Variants in IL17F observed in about 807,000 individuals in gnomAD.
IL17F encodes the protein interleukin-17F.
IL17F carries 6 observed loss-of-function variants against 8.3 expected under a neutral mutation model. That is an observed-to-expected ratio of 0.73 (90% CI 0.40 to 1.43). IL17F has a LOEUF of 1.43. Ranked by LOEUF, IL17F falls within the 40% of genes most tolerant of loss-of-function variation. IL17F has a pLI of 0.02. For missense variants in IL17F, 204 were observed against 209.6 expected (o/e 0.97, Z 0.17); for synonymous variants, 98 against 81.6 (o/e 1.20, Z -1.08).
At chr6:52,239,162 G>A in intron 1 of IL17F, 1 of 572,836 alleles carries the variant, frequency 1.7e-6, no homozygotes, top group African/African-American at 1.9e-5. Context: ...GCTAGTAACT[G>A]AAGCCCTCCA....
intron 2 of IL17F, 139 bp from the exon 3 acceptor site, chr6:52,237,307 C>T: frequency 1.5e-6 from 1 of 654,440 alleles, no homozygotes; most frequent in Non-Finnish European, 2.7e-6. Context: ...GCCACACAGC[C>T]TGGAAGCATA....
chr6:52,245,156 G>T (rs569876314), upstream of IL17F, among the ~76,000 whole-genome samples: 1 of 152,136 alleles, frequency 6.6e-6, no homozygotes, highest in African/African-American at 2.4e-5. Context: ...AGATTTCCAT[G>T]ACCATGTATG....
In IL17F at chr6:52,242,729, T is replaced by C. The variant is rs1010482346; in HGVS notation, c.33+1668A>G. Among the ~76,000 whole-genome samples the C allele has an allele frequency of 8.5e-5, 13 of 152,250 alleles. No individual in the cohort carries two copies. In the South Asian group the frequency reaches 2.7e-3, roughly 31 times the overall value. ...TGAGCTTTTGTTCATCTGTATAAAG[T>C]GGAAAGTATTCCCATCTACTTCAGT... On this transcript the variant is annotated intron_variant, in intron 1 of 2. Transcript: ENST00000336123.
chr6:52,243,001 G>A (rs1042005579), intron 1 of IL17F, among the ~76,000 whole-genome samples: 2 of 152,122 alleles, frequency 1.3e-5, no homozygotes, highest in Non-Finnish European at 2.9e-5. Flanking sequence ...TTGAGGAAAC[G>A]GAGGCACAGA....
Position 52,244,385 on chromosome 6 carries a change from G to A in IL17F, c.33+12C>T, listed in dbSNP as rs1043002743. The A allele has an allele frequency of 1.4e-5, 22 of 1,613,136 alleles. No individual in the cohort carries two copies. Among genetic ancestry groups the A allele is most frequent in the Admixed American group, 3.3e-5 (2 of 59,994 alleles). On this transcript the variant is annotated intron_variant, in intron 1 of 2. Coordinates refer to ENST00000336123, the MANE Select transcript of IL17F (RefSeq NM_052872.4). Reference sequence around the variant, plus strand: ...TGACAGTCCTTAAACCAGAATGATTGCTGCTACTCACCATGGCTGGGCCAT... The same window carrying A: ...TGACAGTCCTTAAACCAGAATGATTACTGCTACTCACCATGGCTGGGCCAT...
In IL17F at chr6:52,238,785, G is replaced by A. The variant is rs754476266; in HGVS notation, c.199C>T (p.Arg67Cys). 1.5e-5 allele frequency: 25 copies of A among 1,614,042 alleles called. No homozygotes were observed. In the East Asian group the frequency reaches 2.0e-4, roughly 13 times the overall value. Residue 67 changes from arginine to cysteine, a missense_variant, in exon 2 of 3, where the codon CGC becomes TGC. Transcript: ENST00000336123. Reference protein sequence around the residue: ...LDIGIINENQRVSMSRNIESR... With the variant: ...LDIGIINENQCVSMSRNIESR... Reference sequence around the variant, plus strand: ...TCGATGTTACGTGACATGGAAACGCGCTGGTTTTCATTGATGATGCCAATG... The same window carrying A: ...TCGATGTTACGTGACATGGAAACGCACTGGTTTTCATTGATGATGCCAATG...
intron 2 of IL17F, among the ~76,000 whole-genome samples, chr6:52,238,002 G>T (rs1419199308): frequency 2.0e-5 from 3 of 152,196 alleles, no homozygotes; most frequent in Non-Finnish European, 4.4e-5. Context: ...GCCCTAGGGC[G>T]CCCCATAGTA....
Position 52,244,474 on chromosome 6 carries a change from T to C in IL17F, c.-45A>G, listed in dbSNP as rs1426351406. On this transcript the variant is annotated 5_prime_UTR_variant, in exon 1 of 3. Coordinates refer to ENST00000336123, the MANE Select transcript of IL17F (RefSeq NM_052872.4). ...TTGTGCAGGAAGCTCTTTCTGTGAA[T>C]GTATCTTCCTGTGTATGCCTGTGTT... is the stretch of plus-strand genomic sequence containing the variant. The C allele has an allele frequency of 6.9e-6, 11 of 1,585,206 alleles. No individual in the cohort carries two copies. The highest frequency in any genetic ancestry group is 9.5e-6 in the Non-Finnish European group (11 of 1,153,526).
chr6:52,244,804 C>T (rs1309346777), upstream of IL17F, among the ~76,000 whole-genome samples: 1 of 152,088 alleles, frequency 6.6e-6, no homozygotes, highest in Non-Finnish European at 1.5e-5. Context: ...TTTTGTTCTT[C>T]CACAAATTGC....
At chr6:52,241,841 T>G (rs530166153) in intron 1 of IL17F, among the ~76,000 whole-genome samples, 6 of 152,212 alleles carry the variant, frequency 3.9e-5, no homozygotes, top group Non-Finnish European at 8.8e-5. Flanking sequence ...TCAGTGCTAT[T>G]GTCATTGAAG....
intron 1 of IL17F, chr6:52,239,306 GACT>G (rs1288596597): frequency 7.4e-6 from 2 of 269,858 alleles, no homozygotes; most frequent in South Asian, 5.3e-5. Context: ...CACTTTATGA[GACT>G]ACTAATGAGA....
chr6:52,245,333 A>G (rs1469133167), upstream of IL17F, among the ~76,000 whole-genome samples: 2 of 152,188 alleles, frequency 1.3e-5, no homozygotes, highest in African/African-American at 4.8e-5. Context: ...AGCACCAATC[A>G]CAGGTCCAAG....
At chr6:52,243,441 T>C (rs1186208408) in intron 1 of IL17F, among the ~76,000 whole-genome samples, 2 of 152,168 alleles carry the variant, frequency 1.3e-5, no homozygotes, top group African/African-American at 2.4e-5. Context: ...ATCAGAGACA[T>C]GGGAAATTTC....
chr6:52,241,635 T>C (rs1444953541), intron 1 of IL17F, among the ~76,000 whole-genome samples: 3 of 152,232 alleles, frequency 2.0e-5, no homozygotes, highest in South Asian at 4.1e-4. Flanking sequence ...TATATATTCT[T>C]AGAGTATATT....
At chr6:52,244,262 G>A (rs1046674007) in intron 1 of IL17F, 135 bp downstream of exon 1, 1 of 886,500 alleles carries the variant, frequency 1.1e-6, no homozygotes, top group South Asian at 1.3e-5. Flanking sequence ...CCAGACAGGA[G>A]TCAAAATTAA....
intron 1 of IL17F, among the ~76,000 whole-genome samples, chr6:52,242,342 A>C (rs1296520784): frequency 6.6e-6 from 1 of 152,196 alleles, no homozygotes; most frequent in African/African-American, 2.4e-5. Flanking sequence ...CTCACCAGCA[A>C]TGTGTGGACA....
rs550324568 is a variant in IL17F at position 52,240,675 on chromosome 6, A to T, written c.34-1725T>A. 2.6e-5 allele frequency among the ~76,000 whole-genome samples: 4 copies of T among 152,228 alleles called. No individual in the cohort carries two copies. In the South Asian group the frequency reaches 8.3e-4, roughly 32 times the overall value. On this transcript the variant is annotated intron_variant, in intron 1 of 2. Transcript: ENST00000336123. ...GAAGCTGACACTAAAAAGAAGTTGA[A>T]AGCAAGATTGACCCAGAAGAGTCAG...
intron 1 of IL17F, chr6:52,239,285 A>G (rs907462154): frequency 3.0e-6 from 1 of 330,908 alleles, no homozygotes; most frequent in Non-Finnish European, 5.7e-6. Flanking sequence ...TTCCAACTGG[A>G]TAATAATGCT....
At chr6:52,240,193 T>C (rs1299011002) in intron 1 of IL17F, among the ~76,000 whole-genome samples, 1 of 152,106 alleles carries the variant, frequency 6.6e-6, no homozygotes, top group Non-Finnish European at 1.5e-5. Flanking sequence ...TCCCAGCATT[T>C]TGGGAAGCCG....
Sources: allele counts gnomAD v4.1 joint callset (sites outside exome capture counted in the v4.1 genomes callset), GRCh38; gene constraint gnomAD v4.1.1; transcripts MANE v1.5; gene names NCBI Gene and HGNC (gene_info 2026-07-23, HGNC 2026-07-21).